Variants in COL6A6 observed in about 807,000 individuals in gnomAD.
The protein encoded by COL6A6 is collagen alpha-6(VI) chain.
In COL6A6, 183 loss-of-function variants were observed where a neutral mutation model predicts 208.6. That is an observed-to-expected ratio of 0.88 (90% CI 0.78 to 0.99). The LOEUF (loss-of-function observed/expected upper bound fraction) is 0.99, where lower values mean the gene tolerates loss of function less well. Ranked by LOEUF, COL6A6 falls within the 50% of genes least tolerant of loss-of-function variation. The pLI, the probability that COL6A6 is intolerant of heterozygous loss-of-function variation, is 0.00. For missense variants in COL6A6, 2,816 were observed against 2,815.2 expected (o/e 1.00, Z -0.01); for synonymous variants, 973 against 1,011.8 (o/e 0.96, Z 0.73).
At chr3:130,668,028 A>G (rs1390997619) in intron 36 of COL6A6, among the ~76,000 whole-genome samples, 8 of 151,808 alleles carry the variant, frequency 5.3e-5, no homozygotes, top group Admixed American at 4.6e-4. Context: ...AAAAGCCAAG[A>G]AAGTTTCTTT....
Position 130,563,647 on chromosome 3 carries a change from A to T in COL6A6, c.644A>T (p.Asp215Val). The T allele has an allele frequency of 1.2e-6, 2 of 1,610,446 alleles. No homozygotes were observed. Among genetic ancestry groups the T allele is most frequent in the South Asian group, 1.1e-5 (1 of 90,916 alleles). The change falls in exon 3 of 37, where the codon GAT becomes GTT. Residue 215 changes from aspartate to valine, a missense_variant. Coordinates refer to ENST00000358511, the MANE Select transcript of COL6A6 (RefSeq NM_001102608.3). Reference protein sequence around the residue: ...DVIKYKEGAVDDIFVEACQGP... With the variant: ...DVIKYKEGAVVDIFVEACQGP... ...ATAAAGTACAAGGAGGGAGCAGTTG[A>T]TGACATCTTTGTAGAAGGTGGGCTT...
chr3:130,561,587 G>A (rs1414201221), intron 2 of COL6A6, among the ~76,000 whole-genome samples: 2 of 149,524 alleles, frequency 1.3e-5, no homozygotes, highest in East Asian at 2.0e-4. Flanking sequence ...TAGATAATTG[G>A]AATCTCAGAG....
At chr3:130,558,427 T>C (rs559997642) in intron 1 of COL6A6, among the ~76,000 whole-genome samples, 16 of 152,314 alleles carry the variant, frequency 1.1e-4, no homozygotes, top group African/African-American at 3.1e-4. Context: ...TTGGATTCCA[T>C]TGAAAGACTG....
chr3:130,651,542 A>G (rs878989900), intron 33 of COL6A6, among the ~76,000 whole-genome samples: 6 of 152,312 alleles, frequency 3.9e-5, no homozygotes, highest in Admixed American at 3.3e-4. Context: ...AGGAGCTGAA[A>G]CTGCTATTAT....
intron 33 of COL6A6, among the ~76,000 whole-genome samples, chr3:130,656,164 CTTG>C (rs796175747): frequency 1.8e-4 from 27 of 152,366 alleles, no homozygotes; most frequent in African/African-American, 6.3e-4. Context: ...CTCTCCTCAC[CTTG>C]TTGTCACCCA....
intron 11 of COL6A6, among the ~76,000 whole-genome samples, chr3:130,587,232 G>C (rs2063562772): frequency 6.6e-6 from 1 of 152,178 alleles, no homozygotes; most frequent in Non-Finnish European, 1.5e-5. Context: ...TGAAAGATTA[G>C]GGGTTGTGAC....
intron 1 of COL6A6, among the ~76,000 whole-genome samples, chr3:130,519,041 A>G (rs1043997963): frequency 6.6e-6 from 1 of 152,214 alleles, no homozygotes; most frequent in African/African-American, 2.4e-5. Context: ...CTATTGTTGA[A>G]TATAAATACT....
At chr3:130,640,913 A>C (rs1354096164) in intron 28 of COL6A6, among the ~76,000 whole-genome samples, 2 of 152,314 alleles carry the variant, frequency 1.3e-5, no homozygotes, top group African/African-American at 4.8e-5. Context: ...TTAGATAAAA[A>C]GTTTTCCTTT....
At chr3:130,567,396 C>T (rs2063053788) in intron 5 of COL6A6, 134 bp downstream of exon 5, 1 of 712,436 alleles carries the variant, frequency 1.4e-6, no homozygotes, top group Non-Finnish European at 2.3e-6. Context: ...ACTGTGTTCT[C>T]TAGAACAAAG....
intron 5 of COL6A6, 40 bp downstream of exon 5, chr3:130,567,302 C>A: frequency 1.4e-6 from 2 of 1,452,484 alleles, no homozygotes; most frequent in Non-Finnish European, 1.9e-6. Context: ...CCTTCACTCG[C>A]AAATTGCTAT....
intron 1 of COL6A6, among the ~76,000 whole-genome samples, chr3:130,521,205 A>G (rs1030034039): frequency 2.6e-5 from 4 of 152,202 alleles, no homozygotes; most frequent in Non-Finnish European, 5.9e-5. Context: ...TGGCAAAGGC[A>G]TTTGTGTTGG....
At chr3:130,672,172 T>C (rs2066234549) in intron 36 of COL6A6, among the ~76,000 whole-genome samples, 1 of 152,194 alleles carries the variant, frequency 6.6e-6, no homozygotes, top group Non-Finnish European at 1.5e-5. Context: ...TCTGCATAGA[T>C]GGAGGAATCT....
At chr3:130,661,107 A>C (rs563941937) in intron 34 of COL6A6, among the ~76,000 whole-genome samples, 1 of 152,360 alleles carries the variant, frequency 6.6e-6, no homozygotes, top group Admixed American at 6.5e-5. Context: ...ACTAATGAGC[A>C]CTATGGAAAT....
At chr3:130,523,121 T>G (rs918421950) in intron 1 of COL6A6, among the ~76,000 whole-genome samples, 2 of 152,110 alleles carry the variant, frequency 1.3e-5, no homozygotes, top group African/African-American at 4.8e-5. Flanking sequence ...CCCAGTCCTC[T>G]AGTTCTTTAG....
chr3:130,539,517 C>T (rs978531443), intron 1 of COL6A6, among the ~76,000 whole-genome samples: 3 of 151,912 alleles, frequency 2.0e-5, no homozygotes, highest in African/African-American at 2.4e-5. Context: ...GCCTATAGTC[C>T]CAGCTACTCA....
At chr3:130,621,265 T>A (rs1230557373) in intron 23 of COL6A6, among the ~76,000 whole-genome samples, 1 of 152,238 alleles carries the variant, frequency 6.6e-6, no homozygotes, top group East Asian at 1.9e-4. Context: ...AGTGGGAATT[T>A]ATTTACATTT....
chr3:130,627,634 G>A (rs1167565987), intron 26 of COL6A6, among the ~76,000 whole-genome samples: 2 of 152,188 alleles, frequency 1.3e-5, no homozygotes, highest in Non-Finnish European at 2.9e-5. Context: ...ACTTGTTCCA[G>A]CCTGAACAGT....
At position 130,538,272 on chromosome 3, in the gene COL6A6, G is replaced by A. The variant is rs763030098; in HGVS notation, c.-32+20875G>A. 6.4e-4 allele frequency among the ~76,000 whole-genome samples: 97 copies of A among 152,146 alleles called. 1 individual carries two copies. The highest frequency in any genetic ancestry group is 3.2e-3 in the Middle Eastern group (1 of 316). On this transcript the variant is annotated intron_variant, in intron 1 of 36. Transcript: ENST00000358511. ...TTCAGGGAGATAATGGCTGTGAAAA[G>A]ACTTGGAAATCTGCAAAATATTATA...
At chr3:130,538,230 C>T (rs2062270961) in intron 1 of COL6A6, among the ~76,000 whole-genome samples, 2 of 152,130 alleles carry the variant, frequency 1.3e-5, no homozygotes, top group South Asian at 4.1e-4. Flanking sequence ...ACCTACTTTA[C>T]AGGGGTACTC....
Sources: allele counts gnomAD v4.1 joint callset (sites outside exome capture counted in the v4.1 genomes callset), GRCh38; gene constraint gnomAD v4.1.1; transcripts MANE v1.5; gene names NCBI Gene and HGNC (gene_info 2026-07-23, HGNC 2026-07-21).